The following LUC7L variants were observed in gnomAD, a reference collection of about 807,000 sequenced individuals.
The protein encoded by LUC7L is LUC7 like, also known as putative RNA-binding protein Luc7-like 1.
LUC7L carries 29 observed loss-of-function variants against 51.1 expected under a neutral mutation model. The observed-to-expected ratio is 0.57, with a 90% CI of 0.42 to 0.77. The LOEUF (loss-of-function observed/expected upper bound fraction) is 0.77. LUC7L is among the 30% of genes least tolerant of loss of function. The pLI is 0.00. For synonymous variants in LUC7L, 181 were observed against 180.7 expected (o/e 1.00, Z -0.01); for missense variants, 403 against 511.9 (o/e 0.79, Z 2.05).
chr16:218,582 G>A (rs796091532), intron 3 of LUC7L, among the ~76,000 whole-genome samples: 6 of 152,138 alleles, frequency 3.9e-5, no homozygotes, highest in African/African-American at 1.4e-4. Context: ...TCAGCTGGGT[G>A]TGGTGGCGGG....
intron 3 of LUC7L, among the ~76,000 whole-genome samples, chr16:219,321 G>A (rs2049900087): frequency 2.0e-5 from 3 of 152,072 alleles, no homozygotes; most frequent in Admixed American, 1.3e-4. Context: ...CCAGGGAGTC[G>A]GAGGTTGCAA....
intron 2 of LUC7L, among the ~76,000 whole-genome samples, chr16:222,361 T>C (rs1425494566): frequency 6.7e-6 from 1 of 148,264 alleles, no homozygotes; most frequent in Non-Finnish European, 1.5e-5. Context: ...TTAGTACCAG[T>C]TGCAGTGGCA....
chr16:199,396 A>G (rs1265485363), intron 5 of LUC7L, among the ~76,000 whole-genome samples, 158 bp from the exon 6 acceptor site: 1 of 152,140 alleles, frequency 6.6e-6, no homozygotes, highest in East Asian at 1.9e-4. Flanking sequence ...AACCAACTCA[A>G]TTTTCACTGT....
chr16:208,278 G>T, intron 3 of LUC7L, 90 bp from the exon 4 acceptor site: 1 of 932,278 alleles, frequency 1.1e-6, no homozygotes, highest in Non-Finnish European at 1.7e-6. Flanking sequence ...TACACTCCTA[G>T]GTTCGTTTCT....
chr16:193,239 C>A (rs1157289876), intron 6 of LUC7L, among the ~76,000 whole-genome samples: 1 of 152,020 alleles, frequency 6.6e-6, no homozygotes, highest in African/African-American at 2.4e-5. Context: ...ACTTCCACCT[C>A]GAGTTCAACC....
intron 3 of LUC7L, chr16:208,397 A>G (rs1194936850): frequency 1.3e-5 from 6 of 474,504 alleles, no homozygotes; most frequent in Non-Finnish European, 1.8e-5. Context: ...GTTTGGAAGC[A>G]TGGTCTTCTC....
chr16:199,750 C>G (rs1468004523), intron 5 of LUC7L, among the ~76,000 whole-genome samples: 1 of 126,820 alleles, frequency 7.9e-6, no homozygotes, highest in Non-Finnish European at 1.6e-5. Flanking sequence ...GAGCAAAACC[C>G]TGTCTCAAAA....
intron 6 of LUC7L, among the ~76,000 whole-genome samples, chr16:195,738 T>C (rs568149947): frequency 6.6e-6 from 1 of 152,118 alleles, no homozygotes; most frequent in African/African-American, 2.4e-5. Context: ...GATGGCAGTT[T>C]TTAAAAAAAT....
rs771131708 is a variant in LUC7L, at chr16:220,714, C to T, written c.190G>A (p.Asp64Asn). 4 of 1,614,046 alleles carry T rather than the reference C, an allele frequency of 2.5e-6. No individual in the cohort carries two copies. The highest frequency in any genetic ancestry group is 3.4e-6 in the Non-Finnish European group (4 of 1,179,966). ...TCATAATCTGCTCGGAGGGCCAAGT[C>T]GTGGATTTTGGTACATTCTCCTAAA... Reference protein sequence around the residue: ...MDLGECTKIHDLALRADYEIA... With the variant: ...MDLGECTKIHNLALRADYEIA... Residue 64 changes from aspartate to asparagine, a missense_variant, in exon 3 of 10, where the codon GAC (aspartate) becomes AAC (asparagine). Physicochemically the swap from Asp to Asn is conservative, Grantham distance 23. This residue lies in a region of LUC7L where 182 missense variants were observed against 248.4 expected (regional missense o/e 0.73). Transcript: ENST00000293872.
At chr16:219,324 G>A (rs1036090569) in intron 3 of LUC7L, among the ~76,000 whole-genome samples, 7 of 152,118 alleles carry the variant, frequency 4.6e-5, no homozygotes, top group Admixed American at 3.9e-4. Flanking sequence ...GGGAGTCGGA[G>A]GTTGCAATGA....
rs545343309 is a variant in LUC7L at position 225,315 on chromosome 16, G to A, written c.156+1927C>T. 9.9e-5 allele frequency among the ~76,000 whole-genome samples: 15 copies of A among 151,770 alleles called. No homozygotes were observed. In the South Asian group the frequency reaches 2.7e-3, roughly 27 times the overall value. On this transcript the variant is annotated intron_variant, in intron 2 of 9. Coordinates refer to ENST00000293872, the MANE Select transcript of LUC7L (RefSeq NM_201412.3). ...AGCCTGGTCAACATGGTGAAACCCC[G>A]TCTCTACTGAAAATACAAAAGTTAG...
At chr16:197,207 CTTTT>C (rs754309530) in intron 6 of LUC7L, among the ~76,000 whole-genome samples, 7 of 80,388 alleles carry the variant, frequency 8.7e-5, no homozygotes, top group East Asian at 3.5e-4. Context: ...TGCACCCAGC[CTTTT>C]TTTTTTTTTT....
chr16:190,670 A>T, intron 7 of LUC7L, 100 bp from the exon 8 acceptor site: 2 of 1,066,316 alleles, frequency 1.9e-6, no homozygotes, highest in Non-Finnish European at 2.9e-6. Context: ...ACCTGAGGTC[A>T]CGAGCTGGAG....
chr16:197,357 C>T (rs1205701466), intron 6 of LUC7L, among the ~76,000 whole-genome samples: 7 of 151,296 alleles, frequency 4.6e-5, no homozygotes, highest in South Asian at 4.2e-4. Context: ...GGATTACAGG[C>T]GCCCGCTGCC....
rs2050163872 is a variant in LUC7L, at chr16:227,636, A to G, written c.62-300T>C. The G allele has an allele frequency of 4.3e-6, 5 of 1,167,228 alleles. No individual in the cohort carries two copies. The African/African-American group carries it at 4.7e-5, about 11-fold the overall frequency. 72.3% of individuals were successfully genotyped at this position (1,167,228 alleles called of 1,614,324 possible). ...AAAAGGCCATTGGCTCCACATATACATGTGGCAATGAGACTGCAAAACCCA... is the reference window on the plus strand; with the variant it reads ...AAAAGGCCATTGGCTCCACATATACGTGTGGCAATGAGACTGCAAAACCCA... On this transcript the variant is annotated intron_variant, in intron 1 of 9. Coordinates refer to ENST00000293872, the MANE Select transcript of LUC7L (RefSeq NM_201412.3).
chr16:204,606 AAG>A (rs1203281056), intron 5 of LUC7L, among the ~76,000 whole-genome samples: 8 of 151,980 alleles, frequency 5.3e-5, no homozygotes, highest in African/African-American at 9.7e-5. Flanking sequence ...AAAAAAAAAA[AAG>A]AGAGAAAATT....
At chr16:214,884 G>A (rs944839081) in intron 3 of LUC7L, among the ~76,000 whole-genome samples, 6 of 152,108 alleles carry the variant, frequency 3.9e-5, no homozygotes, top group African/African-American at 1.4e-4. Flanking sequence ...TCTTAGGATA[G>A]AGATTTCTAG....
chr16:229,096 G>T (rs1028669231), intron 1 of LUC7L, 183 bp downstream of exon 1: 1 of 1,409,598 alleles, frequency 7.1e-7, no homozygotes, highest in East Asian at 2.7e-5. Context: ...CTGGACCCAC[G>T]GCCGCCTCAG....
At chr16:218,249 C>T (rs375338107) in intron 3 of LUC7L, among the ~76,000 whole-genome samples, 13 of 151,884 alleles carry the variant, frequency 8.6e-5, no homozygotes, top group Non-Finnish European at 1.5e-4. Flanking sequence ...GTAATGCAAG[C>T]GGAGGGACCC....
Sources: allele counts gnomAD v4.1 joint callset (sites outside exome capture counted in the v4.1 genomes callset), GRCh38; gene constraint gnomAD v4.1.1; regional missense constraint gnomAD v4.1.1; transcripts MANE v1.5; gene names NCBI Gene and HGNC (gene_info 2026-07-23, HGNC 2026-07-21).